LRP5: variants seen among roughly 807,000 people sequenced by gnomAD.
LRP5 encodes the protein LDL receptor related protein 5, also known as low-density lipoprotein receptor-related protein 5.
In LRP5, 62 loss-of-function variants were observed where a neutral mutation model predicts 154.1. That is an observed-to-expected ratio of 0.40 (90% CI 0.33 to 0.50). LRP5 has a LOEUF of 0.50. LRP5 is among the 20% of genes least tolerant of loss of function. The pLI, the probability that LRP5 is intolerant of heterozygous loss-of-function variation, is 0.55. For missense variants in LRP5, 1,915 were observed against 2,336.7 expected, an observed-to-expected ratio of 0.82 and a Z score of 3.72; for synonymous variants, 966 against 1,011.5, an observed-to-expected ratio of 0.96 and a Z score of 0.85.
At chr11:68,439,681 C>T (rs1161672462) in intron 20 of LRP5, 96 bp from the exon 21 acceptor site, 26 of 1,319,206 alleles carry the variant, frequency 2.0e-5, no homozygotes, top group East Asian at 5.0e-5. Flanking sequence ...GTCTGAGTCT[C>T]GTGGGTAGTG....
At chr11:68,387,689 TG>T (rs2098643806) in intron 6 of LRP5, among the ~76,000 whole-genome samples, 1 of 152,204 alleles carries the variant, frequency 6.6e-6, no homozygotes, top group Non-Finnish European at 1.5e-5. Flanking sequence ...GGGGCCTTCC[TG>T]GGGGCTCATA....
chr11:68,328,854 T>C (rs1041529397), intron 1 of LRP5, among the ~76,000 whole-genome samples: 1 of 152,176 alleles, frequency 6.6e-6, no homozygotes, highest in African/African-American at 2.4e-5. Flanking sequence ...ACCCAAAGGG[T>C]AGCCCAGTCT....
At chr11:68,368,304 C>T (rs755636752) in intron 5 of LRP5, among the ~76,000 whole-genome samples, 23 of 152,150 alleles carry the variant, frequency 1.5e-4, no homozygotes, top group Non-Finnish European at 2.5e-4. Flanking sequence ...GGGGCTGAGC[C>T]GGAGACTCCT....
chr11:68,356,451 TTAAA>T (rs916845524), intron 2 of LRP5, among the ~76,000 whole-genome samples: 1 of 152,148 alleles, frequency 6.6e-6, no homozygotes, highest in African/African-American at 2.4e-5. Flanking sequence ...TTTGTTGTTT[TTAAA>T]TAGACTTAAT....
At chr11:68,404,998 A>C (rs2098654770) in intron 8 of LRP5, among the ~76,000 whole-genome samples, 1 of 145,376 alleles carries the variant, frequency 6.9e-6, no homozygotes, top group Admixed American at 6.8e-5. Context: ...AAAAAGTCCA[A>C]AAAAAAAAAA....
At chr11:68,416,307 C>T in intron 12 of LRP5, 21 bp from the exon 13 acceptor site, 1 of 1,610,328 alleles carries the variant, frequency 6.2e-7, no homozygotes, top group African/African-American at 1.3e-5. Flanking sequence ...CCACCTGCAG[C>T]CCTGTCTTTG....
chr11:68,301,771 G>A, the LRP5 span, among the ~76,000 whole-genome samples: 7 of 130,056 alleles, frequency 5.4e-5, no homozygotes, highest in African/African-American at 5.1e-5. Flanking sequence ...GACTACAGGC[G>A]CCCGCCACCA....
In LRP5 at chr11:68,437,867, C is replaced by T. The variant is rs113620241; in HGVS notation, c.4112-579C>T. 3.9e-5 allele frequency among the ~76,000 whole-genome samples: 6 copies of T among 152,370 alleles called. 1 individual carries two copies. The highest frequency in any genetic ancestry group is 2.1e-4 in the South Asian group (1 of 4,834). On this transcript the variant is annotated intron_variant, in intron 19 of 22. Coordinates refer to ENST00000294304, the MANE Select transcript of LRP5 (RefSeq NM_002335.4). Reference sequence around the variant, plus strand: ...GCGCTGTTGATGCGCAGCCAGGCCTCGCCGCCAGAGCCCGCACGCTTCCAT... The same window carrying T: ...GCGCTGTTGATGCGCAGCCAGGCCTTGCCGCCAGAGCCCGCACGCTTCCAT...
intron 1 of LRP5, among the ~76,000 whole-genome samples, chr11:68,346,868 G>C (rs2098613400): frequency 6.6e-6 from 1 of 152,198 alleles, no homozygotes; most frequent in Non-Finnish European, 1.5e-5. Flanking sequence ...TCTGTGTTGG[G>C]GGTTGCTGGA....
rs146912729 is a variant in LRP5, at chr11:68,386,665, G to A, written c.1365G>A (p.Ser455=). 2.0e-4 allele frequency: 330 copies of A among 1,613,476 alleles called. No homozygotes were observed. The African/African-American group carries it at 3.5e-3, about 17-fold the overall frequency. Residue 455 remains serine, a synonymous_variant, in exon 6 of 23, where the codon TCG becomes TCA. Transcript: ENST00000294304. The surrounding 1 kb of genome is among the most constrained non-coding windows in gnomAD (Gnocchi z 7.9). ...GCACCTCCCGCAAGATCCTGGTGTC[G>A]GAGGACCTGGACGAGCCCCGAGCCA... ...LNGTSRKILV[S]EDLDEPRAIA...
At position 68,363,956 on chromosome 11, in the gene LRP5, T is replaced by C. The variant is rs571691077; in HGVS notation, c.883+13T>C. 16 of 1,214,904 alleles carry C rather than the reference T, an allele frequency of 1.3e-5. No individual in the cohort carries two copies. In the Admixed American group the frequency reaches 3.8e-4, roughly 29 times the overall value. 75.3% of individuals were successfully genotyped at this position (1,214,904 alleles called of 1,614,324 possible). ...CGGCAGCCTTTCTGTGAGTGCCGGC[T>C]GGGGCGCGGGGGCGAGGGTGCGGGG... On this transcript the variant is annotated intron_variant, in intron 4 of 22. Coordinates refer to ENST00000294304, the MANE Select transcript of LRP5 (RefSeq NM_002335.4).
At chr11:68,375,813 C>T (rs944830263) in intron 5 of LRP5, among the ~76,000 whole-genome samples, 1 of 152,222 alleles carries the variant, frequency 6.6e-6, no homozygotes, top group African/African-American at 2.4e-5. Context: ...TCAGAGCATC[C>T]GAGTTCCAGC....
rs746886033 is a variant in LRP5 at position 68,348,121 on chromosome 11, G to A, written c.366G>A (p.Leu122=). The A allele has an allele frequency of 2.5e-6, 4 of 1,614,032 alleles. No homozygotes were observed. The highest frequency in any genetic ancestry group is 1.7e-5 in the Admixed American group (1 of 60,010). ...GLACDWVGKK[L]YWTDSETNRI... ...CCTGCGACTGGGTGGGCAAGAAGCT[G>A]TACTGGACGGACTCAGAGACCAACC... The change falls in exon 2 of 23, where the codon CTG becomes CTA. Residue 122 remains leucine (L), a synonymous_variant. Transcript: ENST00000294304.
In LRP5 at chr11:68,357,912, C is replaced by A. The variant is rs74561985; in HGVS notation, c.686+65C>A. On this transcript the variant is annotated intron_variant, in intron 3 of 22. Transcript: ENST00000294304. ...TGTCCCCAGGGCTTTTGAAGGCGTT[C>A]CTTCTTAACTCAGGCCTACAGACTC... is the stretch of plus-strand genomic sequence containing the variant. 6,931 of 1,446,322 alleles carry A rather than the reference C, an allele frequency of 4.8e-3. 271 individuals carry two copies. The African/African-American group carries it at 0.085, about 18-fold the overall frequency. 89.6% of individuals were successfully genotyped at this position (1,446,322 alleles called of 1,614,324 possible).
In LRP5 at chr11:68,411,568, C is replaced by G. The variant is rs1364709788; in HGVS notation, c.2451C>G (p.Arg817=). The G allele has an allele frequency of 6.2e-7, 1 of 1,613,710 alleles. No homozygotes were observed. The highest frequency in any genetic ancestry group is 8.5e-7 in the Non-Finnish European group (1 of 1,180,022). The part of the protein sequence containing the change: ...NDLTIDYADQ[R]LYWTDLDTNM... ...TCACCATTGACTACGCTGACCAGCG[C>G]CTCTACTGGACCGACCTGGACACCA... The change falls in exon 11 of 23, where the codon CGC becomes CGG. Residue 817 remains arginine, a synonymous_variant. Coordinates refer to ENST00000294304, the MANE Select transcript of LRP5 (RefSeq NM_002335.4).
intron 7 of LRP5, among the ~76,000 whole-genome samples, chr11:68,392,164 G>A (rs1230236149): frequency 6.6e-6 from 1 of 152,062 alleles, no homozygotes; most frequent in East Asian, 1.9e-4. Context: ...ATTTTATTGT[G>A]GTAAAATAAA....
intron 1 of LRP5, among the ~76,000 whole-genome samples, chr11:68,343,748 G>T (rs2098610502): frequency 6.6e-6 from 1 of 152,140 alleles, no homozygotes; most frequent in Non-Finnish European, 1.5e-5. Flanking sequence ...TCAGGCCTCA[G>T]TGCTGCTTCC....
intron 12 of LRP5, among the ~76,000 whole-genome samples, chr11:68,415,461 T>C (rs1015683065): frequency 9.2e-5 from 14 of 152,136 alleles, no homozygotes; most frequent in African/African-American, 2.9e-4. Flanking sequence ...AATAAATTTA[T>C]TGGGCTGGAC....
chr11:68,384,144 C>A (rs2098641720), intron 5 of LRP5, among the ~76,000 whole-genome samples: 1 of 152,160 alleles, frequency 6.6e-6, no homozygotes, highest in African/African-American at 2.4e-5. Context: ...TCAGATTATG[C>A]ACTCCGGGGC....
Sources: allele counts gnomAD v4.1 joint callset (sites outside exome capture counted in the v4.1 genomes callset), GRCh38; gene constraint gnomAD v4.1.1; non-coding constraint Gnocchi (gnomAD v3.1); transcripts MANE v1.5; gene names NCBI Gene and HGNC (gene_info 2026-07-23, HGNC 2026-07-21).